Variants in KCNMB2 observed in about 807,000 individuals in gnomAD.
The protein encoded by KCNMB2 is calcium-activated potassium channel subunit beta-2.
A neutral mutation model predicts 24.5 loss-of-function variants in KCNMB2; 9 were observed. That is an observed-to-expected ratio of 0.37 (90% CI 0.22 to 0.64). The LOEUF (loss-of-function observed/expected upper bound fraction) is 0.64. Ranked by LOEUF, KCNMB2 falls within the 30% of genes least tolerant of loss-of-function variation. The pLI, the probability that KCNMB2 is intolerant of heterozygous loss-of-function variation, is 0.63. For missense variants in KCNMB2, 226 were observed against 284.3 expected (o/e 0.79, Z 1.47); for synonymous variants, 109 against 104.4 (o/e 1.04, Z -0.27).
At chr3:178,544,424 T>C (rs1407177309) in intron 1 of KCNMB2, among the ~76,000 whole-genome samples, 4 of 152,176 alleles carry the variant, frequency 2.6e-5, no homozygotes, top group Admixed American at 2.6e-4. Flanking sequence ...GACTTTGAGT[T>C]TGACAGTTCA....
chr3:178,546,400 T>C (rs997972297), intron 1 of KCNMB2, among the ~76,000 whole-genome samples: 1 of 152,248 alleles, frequency 6.6e-6, no homozygotes, highest in South Asian at 2.1e-4. Context: ...GTAATTTTGA[T>C]TTCAGGCACA....
At chr3:178,568,843 AGATAGATAGAT>A (rs1431567814) in intron 1 of KCNMB2, among the ~76,000 whole-genome samples, 46 of 120,214 alleles carry the variant, frequency 3.8e-4, no homozygotes, top group African/African-American at 1.4e-3. Context: ...ATAGATAGAT[AGATAGATAGAT>A]GATAGATAGA....
intron 1 of KCNMB2, among the ~76,000 whole-genome samples, chr3:178,712,477 T>A (rs1032530029): frequency 6.6e-6 from 1 of 152,192 alleles, no homozygotes; most frequent in African/African-American, 2.4e-5. Context: ...AGATGTTGAA[T>A]GAGACAAACA....
At chr3:178,678,970 T>C (rs13062971) in intron 1 of KCNMB2, among the ~76,000 whole-genome samples, 49,277 of 146,080 alleles carry the variant, frequency 0.34, 8,665 homozygotes, top group African/African-American at 0.48. Flanking sequence ...TAACATTTAA[T>C]TATTGCTATA....
chr3:178,625,989 G>C (rs1217957844), intron 1 of KCNMB2, among the ~76,000 whole-genome samples: 1 of 152,194 alleles, frequency 6.6e-6, no homozygotes, highest in African/African-American at 2.4e-5. Context: ...AAAGGACACA[G>C]AGTATTTTTT....
rs557207913 is a variant in KCNMB2, at chr3:178,707,606, G to C, written c.-67-99737G>C. On this transcript the variant is annotated intron_variant, in intron 1 of 4. Coordinates refer to ENST00000452583, the MANE Select transcript of KCNMB2 (RefSeq NM_181361.3). ...GAGCTTTAAAAATTCCTGATGCCCAGATGATACCCTGTGCCAATTCTCAGA... is the reference window on the plus strand; with the variant it reads ...GAGCTTTAAAAATTCCTGATGCCCACATGATACCCTGTGCCAATTCTCAGA... Among the ~76,000 whole-genome samples, 3 of 152,256 alleles carry C rather than the reference G, an allele frequency of 2.0e-5. No individual in the cohort carries two copies. In the South Asian group the frequency reaches 6.2e-4, roughly 32 times the overall value.
At chr3:178,635,075 TA>T (rs1719468607) in intron 1 of KCNMB2, among the ~76,000 whole-genome samples, 2 of 152,096 alleles carry the variant, frequency 1.3e-5, no homozygotes, top group South Asian at 4.1e-4. Context: ...CCTTAAGGCA[TA>T]GCAGGGGGCA....
chr3:178,811,725 T>G (rs891555055), intron 2 of KCNMB2, among the ~76,000 whole-genome samples: 2 of 152,210 alleles, frequency 1.3e-5, no homozygotes, highest in Non-Finnish European at 2.9e-5. Flanking sequence ...GATTTATACC[T>G]AACATGGGAA....
At chr3:178,801,103 T>C (rs1713757592) in intron 1 of KCNMB2, among the ~76,000 whole-genome samples, 1 of 152,046 alleles carries the variant, frequency 6.6e-6, no homozygotes, top group African/African-American at 2.4e-5. Flanking sequence ...ATGAATAAGA[T>C]CTAGTATTTA....
intron 1 of KCNMB2, among the ~76,000 whole-genome samples, chr3:178,753,418 T>G (rs529510015): frequency 6.6e-6 from 1 of 152,318 alleles, no homozygotes; most frequent in South Asian, 2.1e-4. Context: ...TTTCTGATCT[T>G]GTCTATAAGG....
chr3:178,607,599 C>T (rs977994657), intron 1 of KCNMB2, among the ~76,000 whole-genome samples: 19 of 151,752 alleles, frequency 1.3e-4, no homozygotes, highest in African/African-American at 4.1e-4. Flanking sequence ...ATTTAATTAG[C>T]ATTAGTCCCT....
At chr3:178,691,732 CT>C (rs1721686142) in intron 1 of KCNMB2, among the ~76,000 whole-genome samples, 1 of 152,146 alleles carries the variant, frequency 6.6e-6, no homozygotes, top group Non-Finnish European at 1.5e-5. Flanking sequence ...ATGCATGTGT[CT>C]TTATAATAGA....
At chr3:178,785,690 G>A (rs1370476510) in intron 1 of KCNMB2, among the ~76,000 whole-genome samples, 1 of 151,958 alleles carries the variant, frequency 6.6e-6, no homozygotes, top group African/African-American at 2.4e-5. Flanking sequence ...TTACACATGT[G>A]TTCAGTTTGT....
intron 4 of KCNMB2, among the ~76,000 whole-genome samples, chr3:178,828,940 T>A (rs374686083): frequency 0.18 from 22,745 of 125,658 alleles, 1,907 homozygotes; most frequent in Non-Finnish European, 0.23. Flanking sequence ...TGTGTGTGTG[T>A]GTGTGTGTGT....
In KCNMB2 at chr3:178,810,322, T is replaced by C. The variant is rs773473415; in HGVS notation, c.56+2857T>C. ...TCTGTGTGTGCCTGCTTTCTCCAGC[T>C]GTGTTCCCACAGCAATCCCAGAAGC... is the stretch of plus-strand genomic sequence containing the variant. On this transcript the variant is annotated intron_variant, in intron 2 of 4. Coordinates refer to ENST00000452583, the MANE Select transcript of KCNMB2 (RefSeq NM_181361.3). Among the ~76,000 whole-genome samples the C allele has an allele frequency of 4.6e-5, 7 of 152,234 alleles. 1 individual carries two copies. The highest frequency in any genetic ancestry group is 2.9e-5 in the Non-Finnish European group (2 of 68,036).
intron 1 of KCNMB2, among the ~76,000 whole-genome samples, chr3:178,712,835 T>C (rs1023884049): frequency 1.3e-5 from 2 of 152,230 alleles, no homozygotes; most frequent in South Asian, 4.1e-4. Flanking sequence ...AAAGAGATTT[T>C]ATATTTTATT....
chr3:178,656,438 A>G lies in KCNMB2; in HGVS notation c.-68+119727A>G, dbSNP rs184675479. On this transcript the variant is annotated intron_variant, in intron 1 of 4. Transcript: ENST00000452583. ...TGTCAGAAATGTGTTAATCAGTGTA[A>G]TAGCAAAGGTAACAGGGTGTTCTTG... 3.3e-5 allele frequency among the ~76,000 whole-genome samples: 5 copies of G among 152,310 alleles called. No homozygotes were observed. In the East Asian group the frequency reaches 9.7e-4, roughly 29 times the overall value.
Position 178,706,924 on chromosome 3 carries a change from G to A in KCNMB2, c.-67-100419G>A, listed in dbSNP as rs201482892. 1.4e-4 allele frequency among the ~76,000 whole-genome samples: 21 copies of A among 152,238 alleles called. No homozygotes were observed. The East Asian group carries it at 3.1e-3, about 22-fold the overall frequency. ...ACCTAATGTGGATGACGGGTTGATG[G>A]GTGCAGCAAACCACCATGGCACATG... On this transcript the variant is annotated intron_variant, in intron 1 of 4. Coordinates refer to ENST00000452583, the MANE Select transcript of KCNMB2 (RefSeq NM_181361.3).
chr3:178,569,575 C>T (rs1027384308), intron 1 of KCNMB2, among the ~76,000 whole-genome samples: 3 of 152,294 alleles, frequency 2.0e-5, no homozygotes, highest in African/African-American at 7.2e-5. Flanking sequence ...CAGTTGTTTA[C>T]AACCGCCGGA....
Sources: allele counts gnomAD v4.1 joint callset (sites outside exome capture counted in the v4.1 genomes callset), GRCh38; gene constraint gnomAD v4.1.1; transcripts MANE v1.5; gene names NCBI Gene and HGNC (gene_info 2026-07-23, HGNC 2026-07-21).